NIBAN1: variants seen among roughly 807,000 people sequenced by gnomAD.
The protein encoded by NIBAN1 is protein Niban 1.
In NIBAN1, 81 loss-of-function variants were observed where a neutral mutation model predicts 75.1. The ratio of observed to expected loss-of-function variants is 1.08; its 90% CI spans 0.90 to 1.30. The LOEUF is 1.30. Among genes scored for constraint, NIBAN1 ranks in the 50% most tolerant of loss-of-function variants. The pLI is 0.00. For missense variants in NIBAN1, 1,133 were observed against 1,128.1 expected (o/e 1.00, Z -0.06); for synonymous variants, 436 against 424.8 (o/e 1.03, Z -0.32).
At chr1:184,963,787 A>G (rs1360260346) in intron 1 of NIBAN1, among the ~76,000 whole-genome samples, 1 of 152,226 alleles carries the variant, frequency 6.6e-6, no homozygotes, top group African/African-American at 2.4e-5. Context: ...GATGTGCCAT[A>G]CTAAGGTTTG....
chr1:184,860,411 G>A (rs1442933908), intron 5 of NIBAN1, among the ~76,000 whole-genome samples: 2 of 152,018 alleles, frequency 1.3e-5, no homozygotes, highest in Non-Finnish European at 2.9e-5. Flanking sequence ...TGACTTAGAA[G>A]TCATTGCTTT....
Position 184,795,057 on chromosome 1 carries a change from C to T in NIBAN1, c.2707G>A (p.Val903Ile), listed in dbSNP as rs780537313. The T allele has an allele frequency of 5.0e-6, 8 of 1,614,000 alleles. No individual in the cohort carries two copies. Among genetic ancestry groups the T allele is most frequent in the South Asian group, 1.1e-5 (1 of 91,092 alleles). ...WVVEDAPNPD[V>I]LLSHKDDVKE... is the part of the protein sequence containing the mutation. ...ACGTCATCTTTGTGTGACAGCAGGA[C>T]ATCCGGGTTTGGAGCATCCTCCACC... Residue 903 changes from valine (V) to isoleucine (I), a missense_variant, in exon 14 of 14, where the codon GTC (valine) becomes ATC (isoleucine). Coordinates refer to ENST00000367511, the MANE Select transcript of NIBAN1 (RefSeq NM_052966.4).
chr1:184,924,333 T>C (rs1348404048), intron 1 of NIBAN1, among the ~76,000 whole-genome samples: 2 of 152,236 alleles, frequency 1.3e-5, no homozygotes, highest in Non-Finnish European at 2.9e-5. Context: ...TCTGTTGATA[T>C]GATGTATCAC....
At chr1:184,962,070 G>C (rs1304206756) in intron 1 of NIBAN1, among the ~76,000 whole-genome samples, 1 of 152,180 alleles carries the variant, frequency 6.6e-6, no homozygotes, top group East Asian at 1.9e-4. Flanking sequence ...CTAAACACCA[G>C]AGAGAGACAT....
At chr1:184,817,681 G>C (rs966823344) in intron 9 of NIBAN1, among the ~76,000 whole-genome samples, 1 of 152,202 alleles carries the variant, frequency 6.6e-6, no homozygotes, top group Admixed American at 6.5e-5. Context: ...CTTTTGAGAA[G>C]TGGCTGTTCA....
At position 184,794,538 on chromosome 1, in the gene NIBAN1, T is replaced by G; in HGVS notation, c.*439A>C. 1 of 262,592 alleles carries G rather than the reference T, an allele frequency of 3.8e-6. No individual in the cohort carries two copies. The highest frequency in any genetic ancestry group is 7.4e-6 in the Non-Finnish European group (1 of 134,736). 16.3% of individuals were successfully genotyped at this position (262,592 alleles called of 1,614,324 possible). A position where few individuals can be genotyped will look rare whatever the true frequency, so the allele number is the denominator to read the frequency against. The stretch of plus-strand genomic sequence containing the variant: ...GCCGAGTCCTTAAGAGATGGTGAAG[T>G]AGGCATAGTAGATAGTAAAGGTAGA... On this transcript the variant is annotated 3_prime_UTR_variant, in exon 14 of 14. Coordinates refer to ENST00000367511, the MANE Select transcript of NIBAN1 (RefSeq NM_052966.4).
chr1:184,816,735 C>G (rs1240229087), intron 9 of NIBAN1, among the ~76,000 whole-genome samples: 5 of 151,984 alleles, frequency 3.3e-5, no homozygotes, highest in African/African-American at 1.2e-4. Context: ...CTTGCAAAAC[C>G]CACTGTTCTA....
intron 1 of NIBAN1, among the ~76,000 whole-genome samples, chr1:184,945,064 T>C (rs1658187396): frequency 6.6e-6 from 1 of 152,216 alleles, no homozygotes; most frequent in African/African-American, 2.4e-5. Flanking sequence ...ATGAGAGATA[T>C]GTTCCTAATT....
intron 3 of NIBAN1, 143 bp from the exon 4 acceptor site, chr1:184,890,365 C>T (rs745989693): frequency 1.1e-5 from 7 of 623,562 alleles, no homozygotes; most frequent in Non-Finnish European, 2.0e-5. Flanking sequence ...GTCATTTACT[C>T]AAAAAATATG....
At chr1:184,969,786 C>G (rs753580519) in intron 1 of NIBAN1, among the ~76,000 whole-genome samples, 8 of 151,784 alleles carry the variant, frequency 5.3e-5, no homozygotes, top group Non-Finnish European at 1.0e-4. Context: ...ACTGCTTCAG[C>G]CTCCCAAAGT....
At chr1:184,835,586 T>C (rs1265396784) in intron 5 of NIBAN1, among the ~76,000 whole-genome samples, 1 of 152,206 alleles carries the variant, frequency 6.6e-6, no homozygotes, top group African/African-American at 2.4e-5. Flanking sequence ...TTCCTAGGCA[T>C]TTTATTCTCT....
chr1:184,862,279 T>G (rs1443119633), intron 5 of NIBAN1, among the ~76,000 whole-genome samples: 2 of 152,002 alleles, frequency 1.3e-5, no homozygotes, highest in Admixed American at 6.6e-5. Flanking sequence ...AGCTTCCTAG[T>G]CGATGCTCCA....
intron 6 of NIBAN1, among the ~76,000 whole-genome samples, chr1:184,831,506 G>T (rs543078781): frequency 6.6e-6 from 1 of 152,318 alleles, no homozygotes; most frequent in East Asian, 1.9e-4. Context: ...GCCCTGTCAT[G>T]CACTTCGCAC....
chr1:184,860,280 G>A (rs1456809400), intron 5 of NIBAN1, among the ~76,000 whole-genome samples: 1 of 151,728 alleles, frequency 6.6e-6, no homozygotes, highest in South Asian at 2.1e-4. Context: ...GCGGGGGCGG[G>A]GGGCCAGGGA....
At chr1:184,903,434 T>C (rs764491336) in intron 1 of NIBAN1, among the ~76,000 whole-genome samples, 2 of 152,158 alleles carry the variant, frequency 1.3e-5, no homozygotes, top group Admixed American at 6.6e-5. Flanking sequence ...TCCCCAATGT[T>C]GGAGGTGTGG....
intron 1 of NIBAN1, among the ~76,000 whole-genome samples, chr1:184,953,454 C>A (rs1658408059): frequency 6.6e-6 from 1 of 152,216 alleles, no homozygotes; most frequent in Non-Finnish European, 1.5e-5. Context: ...TTGAAAGCGT[C>A]TTTTACATAT....
At chr1:184,810,516 T>A (rs987144000) in intron 9 of NIBAN1, among the ~76,000 whole-genome samples, 3 of 152,198 alleles carry the variant, frequency 2.0e-5, no homozygotes, top group Admixed American at 1.3e-4. Flanking sequence ...GTGGATGAAC[T>A]GTAAGAGTCA....
At chr1:184,899,520 C>T (rs1275581824) in intron 1 of NIBAN1, among the ~76,000 whole-genome samples, 1 of 152,080 alleles carries the variant, frequency 6.6e-6, no homozygotes, top group African/African-American at 2.4e-5. Flanking sequence ...CCCATCTCTC[C>T]CTCTCCTTCT....
rs532472478 is a variant in NIBAN1, at chr1:184,861,035, G to A, written c.601+23598C>T. 1.2e-4 allele frequency among the ~76,000 whole-genome samples: 18 copies of A among 152,286 alleles called. 1 individual carries two copies. The highest frequency in any genetic ancestry group is 4.3e-4 in the African/African-American group (18 of 41,556). On this transcript the variant is annotated intron_variant, in intron 5 of 13. Coordinates refer to ENST00000367511, the MANE Select transcript of NIBAN1 (RefSeq NM_052966.4). ...TATTTTCAAGTATTTTCTAGACCAG[G>A]GGTCAGCAAACTTTTTCTGTAAAAG...
Sources: allele counts gnomAD v4.1 joint callset (sites outside exome capture counted in the v4.1 genomes callset), GRCh38; gene constraint gnomAD v4.1.1; transcripts MANE v1.5; gene names NCBI Gene and HGNC (gene_info 2026-07-23, HGNC 2026-07-21).